HDC: variants seen among roughly 807,000 people sequenced by gnomAD.
The protein encoded by HDC is histidine decarboxylase.
HDC carries 27 observed loss-of-function variants against 64.4 expected under a neutral mutation model. The observed-to-expected ratio is 0.42, with a 90% CI of 0.31 to 0.58. The LOEUF is 0.58. Among genes scored for constraint, HDC ranks in the 20% least tolerant of loss-of-function variants. HDC has a pLI of 0.16. For synonymous variants in HDC, 305 were observed against 314.2 expected (o/e 0.97, Z 0.31); for missense variants, 711 against 833.9 (o/e 0.85, Z 1.81).
chr15:50,262,507 G>A (rs910107532), intron 2 of HDC, among the ~76,000 whole-genome samples: 1 of 152,184 alleles, frequency 6.6e-6, no homozygotes, highest in African/African-American at 2.4e-5. Context: ...CCAGTGGTCA[G>A]GGGTGTCCAC....
chr15:50,252,294 A>G, intron 9 of HDC, 136 bp downstream of exon 9: 2 of 699,834 alleles, frequency 2.9e-6, no homozygotes. Context: ...CAAGGTATGC[A>G]TTGGCAGTAT....
intron 9 of HDC, among the ~76,000 whole-genome samples, chr15:50,251,474 A>G (rs2045553319): frequency 6.6e-6 from 1 of 152,180 alleles, no homozygotes; most frequent in Admixed American, 6.5e-5. Flanking sequence ...CCAAAGGGCC[A>G]CTGCTGGAAT....
At chr15:50,246,445 GA>G (rs1486729136) in intron 10 of HDC, among the ~76,000 whole-genome samples, 1 of 152,224 alleles carries the variant, frequency 6.6e-6, no homozygotes, top group East Asian at 1.9e-4. Context: ...GGAATAGGCA[GA>G]AAAGCTTCTA....
At chr15:50,251,717 A>C (rs1030965298) in intron 9 of HDC, among the ~76,000 whole-genome samples, 1 of 152,190 alleles carries the variant, frequency 6.6e-6, no homozygotes, top group African/African-American at 2.4e-5. Context: ...CTGTAGTCCC[A>C]GATACTTGGA....
intron 11 of HDC, 60 bp downstream of exon 11, chr15:50,243,083 C>T (rs548385047): frequency 3.7e-5 from 60 of 1,613,118 alleles, no homozygotes; most frequent in Non-Finnish European, 4.2e-5. Context: ...TTTGTGTTTC[C>T]GAGAGGCTCT....
At position 50,243,219 on chromosome 15, in the gene HDC, T is replaced by G. The variant is rs2045427751; in HGVS notation, c.1166A>C (p.Glu389Ala). 6.2e-7 allele frequency: 1 copy of G among 1,613,330 alleles called. No individual in the cohort carries two copies. The highest frequency in any genetic ancestry group is 1.3e-5 in the African/African-American group (1 of 75,030). Residue 389 changes from glutamate to alanine, a missense_variant, in exon 11 of 12, where the codon GAA becomes GCA. Coordinates refer to ENST00000267845, the MANE Select transcript of HDC (RefSeq NM_002112.4). Reference protein sequence around the residue: ...RHGTEMAKYFESLVRNDPSFE... With the variant: ...RHGTEMAKYFASLVRNDPSFE... ...GGAAGGGTCGTTTCTGACCAGAGAT[T>G]CAAAATATTTAGCCATTTCAGTACC...
Position 50,242,842 on chromosome 15 carries a change from A to G in HDC, c.1407T>C (p.Asp469=), listed in dbSNP as rs200775277. 7.8e-5 allele frequency: 126 copies of G among 1,614,012 alleles called. No homozygotes were observed. In the East Asian group the frequency reaches 2.5e-3, roughly 32 times the overall value. Residue 469 remains aspartate (D), a synonymous_variant, in exon 12 of 12, where the codon GAT becomes GAC. Coordinates refer to ENST00000267845, the MANE Select transcript of HDC (RefSeq NM_002112.4). ...GCTGACTCAGGATGAGAGTGGCAGC[A>G]TCTCGAATGAGATTCCAGTCTCTCA... is the stretch of plus-strand genomic sequence containing the variant. ...DILRDWNLIR[D]AATLILSQHC...
At chr15:50,257,331 C>T in intron 4 of HDC, 94 bp downstream of exon 4, 4 of 1,521,392 alleles carry the variant, frequency 2.6e-6, no homozygotes, top group Non-Finnish European at 3.6e-6. Flanking sequence ...GTGGGGGAAA[C>T]TCCATGGAGA....
chr15:50,255,877 A>G (rs754057695), intron 4 of HDC, among the ~76,000 whole-genome samples: 4 of 152,198 alleles, frequency 2.6e-5, no homozygotes, highest in Non-Finnish European at 2.9e-5. Flanking sequence ...CTGGCATTCT[A>G]CTTGCTCCTC....
In HDC at chr15:50,253,747, C is replaced by T. The variant is rs558874654; in HGVS notation, c.721-81G>A. On this transcript the variant is annotated intron_variant, in intron 6 of 11. Coordinates refer to ENST00000267845, the MANE Select transcript of HDC (RefSeq NM_002112.4). ...GGCCTGAGAAAGATTTCACCACAGACGTGATCTACTCCCATCCATCCCACC... is the reference window on the plus strand; with the variant it reads ...GGCCTGAGAAAGATTTCACCACAGATGTGATCTACTCCCATCCATCCCACC... 140 of 1,061,370 alleles carry T rather than the reference C, an allele frequency of 1.3e-4. No individual in the cohort carries two copies. The African/African-American group carries it at 2.0e-3, about 15-fold the overall frequency. 65.7% of individuals were successfully genotyped at this position (1,061,370 alleles called of 1,614,324 possible).
intron 2 of HDC, among the ~76,000 whole-genome samples, chr15:50,258,854 CT>C (rs2045666380): frequency 6.6e-6 from 1 of 152,134 alleles, no homozygotes; most frequent in Non-Finnish European, 1.5e-5. Context: ...CATGCCGCCC[CT>C]GCCCAGCAAT....
At chr15:50,251,934 T>A (rs988526135) in intron 9 of HDC, among the ~76,000 whole-genome samples, 13 of 152,230 alleles carry the variant, frequency 8.5e-5, no homozygotes, top group African/African-American at 3.1e-4. Context: ...CAGGAATGCT[T>A]GGAGGCTTCC....
intron 2 of HDC, among the ~76,000 whole-genome samples, chr15:50,261,113 GCTTCTAC>G (rs1239475992): frequency 6.6e-6 from 1 of 152,092 alleles, no homozygotes; most frequent in East Asian, 1.9e-4. Context: ...CCAGAGAAGG[GCTTCTAC>G]CTCCTAGCTC....
chr15:50,244,285 C>CTTTTTTTTTTTT (rs554623599), intron 10 of HDC, among the ~76,000 whole-genome samples: 2 of 105,176 alleles, frequency 1.9e-5, no homozygotes, highest in Non-Finnish European at 3.9e-5. Context: ...AGCTGAACCT[C>CTTTTTTTTTTTT]TTTTTTTTTT....
At chr15:50,255,213 G>T (rs2140936586) in intron 4 of HDC, among the ~76,000 whole-genome samples, 1 of 152,310 alleles carries the variant, frequency 6.6e-6, no homozygotes, top group Admixed American at 6.5e-5. Flanking sequence ...CAGGATGGGA[G>T]TATAGATTAT....
At position 50,242,100 on chromosome 15, in the gene HDC, CTA is replaced by C. The variant is rs2045400801; in HGVS notation, c.*158_*159del. The C allele has an allele frequency of 1.4e-6, 1 of 711,934 alleles. No homozygotes were observed. The highest frequency in any genetic ancestry group is 2.1e-5 in the Admixed American group (1 of 47,872). The allele number at this position is 711,934 out of a possible 1,614,324, so 44.1% of individuals were successfully genotyped here. ...CTGGCTTAAACTCTTCGTTTGTATC[CTA>C]TTGTGGGTCATGAACCCCTATGAGA... On this transcript the variant is annotated 3_prime_UTR_variant, in exon 12 of 12. Coordinates refer to ENST00000267845, the MANE Select transcript of HDC (RefSeq NM_002112.4).
intron 1 of HDC, 63 bp from the exon 2 acceptor site, chr15:50,263,470 A>C: frequency 6.6e-7 from 1 of 1,516,746 alleles, no homozygotes; most frequent in South Asian, 1.1e-5. Flanking sequence ...ATTTGTGCCC[A>C]TCCCTCTCAG....
rs779556208 is a variant in HDC at position 50,256,049 on chromosome 15, T to C, written c.441+1376A>G. ...TCAGTTTGAATCCTCGTTCTTCCGC[T>C]TATCAGCTGTGTAAGCTAGGGCAAA... is the stretch of plus-strand genomic sequence containing the variant. On this transcript the variant is annotated intron_variant, in intron 4 of 11. Coordinates refer to ENST00000267845, the MANE Select transcript of HDC (RefSeq NM_002112.4). 4.6e-5 allele frequency among the ~76,000 whole-genome samples: 7 copies of C among 152,232 alleles called. No individual in the cohort carries two copies. The South Asian group carries it at 6.2e-4, about 14-fold the overall frequency.
At chr15:50,264,962 G>A (rs17740669) in intron 1 of HDC, among the ~76,000 whole-genome samples, 11,582 of 152,266 alleles carry the variant, frequency 0.076, 624 homozygotes, top group Middle Eastern at 0.11. Context: ...CCTTAGGAAA[G>A]CAATGGAATA....
Sources: allele counts gnomAD v4.1 joint callset (sites outside exome capture counted in the v4.1 genomes callset), GRCh38; gene constraint gnomAD v4.1.1; transcripts MANE v1.5; gene names NCBI Gene and HGNC (gene_info 2026-07-23, HGNC 2026-07-21).